TTC17: variants seen among roughly 807,000 people sequenced by gnomAD.
TTC17 encodes the protein tetratricopeptide repeat protein 17.
A neutral mutation model predicts 143.8 loss-of-function variants in TTC17; 58 were observed. That is an observed-to-expected ratio of 0.40 (90% CI 0.33 to 0.50). The LOEUF is 0.50. TTC17 is among the 20% of genes least tolerant of loss of function. The pLI, the probability that TTC17 is intolerant of heterozygous loss-of-function variation, is 0.49. For synonymous variants in TTC17, 501 were observed against 497.8 expected (o/e 1.01, Z -0.09); for missense variants, 1,273 against 1,392.5 (o/e 0.91, Z 1.37).
chr11:43,364,748 A>G (rs1856262049), intron 1 of TTC17, among the ~76,000 whole-genome samples: 1 of 152,212 alleles, frequency 6.6e-6, no homozygotes, highest in Non-Finnish European at 1.5e-5. Flanking sequence ...TTGGAAATGT[A>G]CAGAAATAAA....
At chr11:43,388,167 TAAAG>T (rs142095448) in intron 2 of TTC17, among the ~76,000 whole-genome samples, 14,069 of 152,192 alleles carry the variant, frequency 0.092, 800 homozygotes, top group Middle Eastern at 0.16. Flanking sequence ...AAGTTTTTCT[TAAAG>T]AAGCAACATA....
intron 16 of TTC17, among the ~76,000 whole-genome samples, chr11:43,442,570 C>G (rs1947446508): frequency 6.6e-6 from 1 of 152,124 alleles, no homozygotes; most frequent in South Asian, 2.1e-4. Flanking sequence ...TATTAAGAAA[C>G]TCGGGCTAAT....
At chr11:43,372,403 A>G (rs1041853000) in intron 1 of TTC17, among the ~76,000 whole-genome samples, 1 of 152,050 alleles carries the variant, frequency 6.6e-6, no homozygotes, top group East Asian at 1.9e-4. Context: ...CCTGGCTTCA[A>G]GCTATTCTCC....
At chr11:43,386,203 T>A (rs763768109) in intron 2 of TTC17, among the ~76,000 whole-genome samples, 4 of 152,036 alleles carry the variant, frequency 2.6e-5, no homozygotes, top group Non-Finnish European at 2.9e-5. Context: ...AGTTTAAAAA[T>A]CTAAGTATGA....
chr11:43,449,829 G>T, intron 19 of TTC17: 2 of 414,170 alleles, frequency 4.8e-6, no homozygotes, highest in South Asian at 6.9e-5. Context: ...TTTTTCTGTG[G>T]GGAGGAATGT....
At chr11:43,422,036 A>G (rs1946918358) in intron 16 of TTC17, among the ~76,000 whole-genome samples, 1 of 152,238 alleles carries the variant, frequency 6.6e-6, no homozygotes, top group Admixed American at 6.5e-5. Context: ...AAGACCTGTT[A>G]GGATGCTATT....
rs1857229417 is a variant in TTC17 at position 43,387,957 on chromosome 11, A to G, written c.250-1695A>G. Among the ~76,000 whole-genome samples the G allele has an allele frequency of 2.6e-5, 4 of 152,348 alleles. No homozygotes were observed. The South Asian group carries it at 6.2e-4, about 24-fold the overall frequency. ...AGTATGACAAAACCAAACATTGCTAAGATTCTGGGGATATAGGTGTTATGA... is the reference window on the plus strand; with the variant it reads ...AGTATGACAAAACCAAACATTGCTAGGATTCTGGGGATATAGGTGTTATGA... On this transcript the variant is annotated intron_variant, in intron 2 of 23. Transcript: ENST00000039989.
At chr11:43,375,713 T>C (rs1358080675) in intron 1 of TTC17, among the ~76,000 whole-genome samples, 1 of 152,046 alleles carries the variant, frequency 6.6e-6, no homozygotes, top group African/African-American at 2.4e-5. Context: ...CTTGAATTAA[T>C]GTTACAACAG....
At chr11:43,443,970 T>G (rs1461508829) in intron 17 of TTC17, 86 bp from the exon 18 acceptor site, 1 of 1,441,570 alleles carries the variant, frequency 6.9e-7, no homozygotes, top group African/African-American at 1.4e-5. Context: ...AGCACAGTAC[T>G]TGGTTATTCT....
intron 21 of TTC17, among the ~76,000 whole-genome samples, chr11:43,483,865 G>T (rs559392048): frequency 6.6e-6 from 1 of 152,266 alleles, no homozygotes; most frequent in Admixed American, 6.5e-5. Flanking sequence ...AATTAGGCTG[G>T]GCGCAGTGGC....
At chr11:43,492,199 G>A (rs1345998854) in intron 23 of TTC17, 36 bp downstream of exon 23, 1 of 1,590,956 alleles carries the variant, frequency 6.3e-7, no homozygotes, top group Non-Finnish European at 8.6e-7. Context: ...TACCAACTCT[G>A]CCAAACAGTA....
chr11:43,385,899 G>C (rs974882771), intron 2 of TTC17, among the ~76,000 whole-genome samples: 1 of 151,542 alleles, frequency 6.6e-6, no homozygotes, highest in African/African-American at 2.4e-5. Flanking sequence ...CCAAACTCTA[G>C]CAGCAAGGCT....
chr11:43,373,346 CAG>C (rs1270274887), intron 1 of TTC17, among the ~76,000 whole-genome samples: 1 of 137,646 alleles, frequency 7.3e-6, no homozygotes, highest in Non-Finnish European at 1.5e-5. Flanking sequence ...TTTTTTGAGA[CAG>C]AGTCTCGATC....
chr11:43,494,017 G>A lies in TTC17; in HGVS notation c.*113G>A, dbSNP rs1948517390. 1 of 1,370,448 alleles carries A rather than the reference G, an allele frequency of 7.3e-7. No homozygotes were observed. The highest frequency in any genetic ancestry group is 1.7e-5 in the South Asian group (1 of 58,490). The allele number at this position is 1,370,448 out of a possible 1,614,324, so 84.9% of individuals were successfully genotyped here. On this transcript the variant is annotated 3_prime_UTR_variant, in exon 24 of 24. Transcript: ENST00000039989. The stretch of plus-strand genomic sequence containing the variant: ...TAATGATGTGTGTGAAAATAACTAA[G>A]ACTTATAACAGGACTTTTACATATG...
At chr11:43,389,133 T>C (rs1857283094) in intron 2 of TTC17, among the ~76,000 whole-genome samples, 1 of 147,838 alleles carries the variant, frequency 6.8e-6, no homozygotes, top group East Asian at 2.0e-4. Context: ...AGCAAGACAC[T>C]GTCTCAAAAA....
intron 21 of TTC17, among the ~76,000 whole-genome samples, chr11:43,475,005 G>T (rs1948158942): frequency 6.6e-6 from 1 of 152,066 alleles, no homozygotes. Flanking sequence ...GGTATTAGAG[G>T]CACAAGAAGT....
At chr11:43,422,426 T>C (rs2134650612) in intron 16 of TTC17, among the ~76,000 whole-genome samples, 1 of 152,310 alleles carries the variant, frequency 6.6e-6, no homozygotes, top group South Asian at 2.1e-4. Flanking sequence ...TAATAATTTA[T>C]GGGTCATGGA....
chr11:43,359,544 A>G (rs1856010171), intron 1 of TTC17, among the ~76,000 whole-genome samples: 1 of 152,166 alleles, frequency 6.6e-6, no homozygotes, highest in Admixed American at 6.5e-5. Context: ...CCATGGTATG[A>G]CAGCTTCTGG....
At chr11:43,465,047 A>G (rs1055747663) in intron 21 of TTC17, among the ~76,000 whole-genome samples, 2 of 152,226 alleles carry the variant, frequency 1.3e-5, no homozygotes, top group African/African-American at 4.8e-5. Context: ...CTGTCTGGGG[A>G]TTTCATTTGG....
Sources: gnomAD v4.1 joint callset for allele counts (sites outside exome capture counted in the v4.1 genomes callset) on GRCh38, gnomAD v4.1.1 for gene constraint, MANE v1.5 for transcripts, NCBI Gene and HGNC (gene_info 2026-07-23, HGNC 2026-07-21) for gene names.